CHD9: variants seen among roughly 807,000 people sequenced by gnomAD.
CHD9 encodes ATP-dependent chromatin remodeler CHD9.
Under a neutral mutation model 316.1 loss-of-function variants are expected in CHD9, and 77 were observed. That is an observed-to-expected ratio of 0.24 (90% CI 0.20 to 0.29). The LOEUF (loss-of-function observed/expected upper bound fraction) is 0.29, where lower values mean the gene tolerates loss of function less well. Among genes scored for constraint, CHD9 ranks in the 10% least tolerant of loss-of-function variants. The pLI, the probability that CHD9 is intolerant of heterozygous loss-of-function variation, is 1.00. For missense variants in CHD9, 2,763 were observed against 3,438.1 expected (o/e 0.80, Z 4.91); for synonymous variants, 1,129 against 1,158.3 (o/e 0.97, Z 0.51).
At chr16:53,068,613 A>G (rs1468216393) in intron 1 of CHD9, among the ~76,000 whole-genome samples, 3 of 151,846 alleles carry the variant, frequency 2.0e-5, no homozygotes, top group Non-Finnish European at 2.9e-5. Context: ...CACAGCACCC[A>G]CTCCACTGTA....
intron 1 of CHD9, among the ~76,000 whole-genome samples, chr16:53,059,876 G>A (rs2032647368): frequency 6.6e-6 from 1 of 152,200 alleles, no homozygotes; most frequent in Non-Finnish European, 1.5e-5. Context: ...GTCGTTTCTT[G>A]TAATGTTGAT....
chr16:53,302,786 A>G (rs1211143459), intron 30 of CHD9, among the ~76,000 whole-genome samples: 1 of 152,110 alleles, frequency 6.6e-6, no homozygotes, highest in East Asian at 1.9e-4. Context: ...AGATTGTTCC[A>G]TATTTGGCAT....
Position 53,108,633 on chromosome 16 carries a change from G to A in CHD9, c.-164-47293G>A, listed in dbSNP as rs989498999. Among the ~76,000 whole-genome samples the A allele has an allele frequency of 2.6e-5, 4 of 152,202 alleles. No individual in the cohort carries two copies. The East Asian group carries it at 7.7e-4, about 29-fold the overall frequency. ...CTCACTCCTGTAATCCCAGCTCTTT[G>A]GGAGACCAAGGCGGGCAGATCACCT... On this transcript the variant is annotated intron_variant, in intron 1 of 38. Coordinates refer to ENST00000447540, the MANE Select transcript of CHD9 (RefSeq NM_001308319.2).
At chr16:53,226,923 C>T (rs922222141) in intron 5 of CHD9, among the ~76,000 whole-genome samples, 1 of 152,190 alleles carries the variant, frequency 6.6e-6, no homozygotes, top group African/African-American at 2.4e-5. Context: ...GCTACTTCTC[C>T]ATAAGCACTT....
At chr16:53,201,830 G>C (rs1459461088) in intron 2 of CHD9, among the ~76,000 whole-genome samples, 1 of 151,472 alleles carries the variant, frequency 6.6e-6, no homozygotes, top group African/African-American at 2.4e-5. Flanking sequence ...AAAAATTTGG[G>C]GGGATCAGTT....
intron 19 of CHD9, among the ~76,000 whole-genome samples, chr16:53,256,991 T>C (rs1712405585): frequency 6.6e-6 from 1 of 152,134 alleles, no homozygotes. Flanking sequence ...ATGCCAGGAA[T>C]ACTAAAATGA....
At chr16:53,163,833 T>C (rs1315301070) in intron 2 of CHD9, among the ~76,000 whole-genome samples, 1 of 152,218 alleles carries the variant, frequency 6.6e-6, no homozygotes, top group Non-Finnish European at 1.5e-5. Flanking sequence ...AAAATTAGAA[T>C]AGGTAAGACA....
At chr16:53,295,979 C>T (rs2054747823) in intron 29 of CHD9, among the ~76,000 whole-genome samples, 1 of 152,200 alleles carries the variant, frequency 6.6e-6, no homozygotes, top group Admixed American at 6.5e-5. Flanking sequence ...CCCTATATGG[C>T]TTTGTCTCCA....
intron 22 of CHD9, among the ~76,000 whole-genome samples, chr16:53,273,069 A>G (rs1033386693): frequency 6.7e-6 from 1 of 150,284 alleles, no homozygotes; most frequent in Admixed American, 6.6e-5. Flanking sequence ...AGCCTGAGCA[A>G]CAGAGTGACT....
chr16:53,180,700 T>C (rs938024440), intron 2 of CHD9, among the ~76,000 whole-genome samples: 2 of 152,084 alleles, frequency 1.3e-5, no homozygotes, highest in Non-Finnish European at 2.9e-5. Flanking sequence ...TTTGATACAG[T>C]CTCGCTCTGT....
intron 1 of CHD9, among the ~76,000 whole-genome samples, chr16:53,127,368 C>G (rs2039016308): frequency 6.6e-6 from 1 of 152,172 alleles, no homozygotes; most frequent in South Asian, 2.1e-4. Flanking sequence ...TTTACATTGT[C>G]AGATATTCTT....
chr16:53,155,065 A>G (rs2041413517), intron 1 of CHD9, among the ~76,000 whole-genome samples: 2 of 152,080 alleles, frequency 1.3e-5, no homozygotes, highest in African/African-American at 4.8e-5. Context: ...ATAAGTTTCA[A>G]AGTTGTATTA....
At position 53,130,471 on chromosome 16, in the gene CHD9, G is replaced by T. The variant is rs1171243031; in HGVS notation, c.-164-25455G>T. ...GTGCCCTGCCGGGGCCTGACGTGGC[G>T]GCGGGGCCGCGGGGCGGGCGGCGCG... On this transcript the variant is annotated intron_variant, in intron 1 of 38. Transcript: ENST00000447540. Among the ~76,000 whole-genome samples the T allele has an allele frequency of 6.0e-5, 9 of 150,676 alleles. No individual in the cohort carries two copies. The East Asian group carries it at 1.8e-3, about 29-fold the overall frequency.
intron 1 of CHD9, among the ~76,000 whole-genome samples, chr16:53,141,621 A>G (rs1343889780): frequency 1.3e-5 from 2 of 152,348 alleles, no homozygotes; most frequent in Non-Finnish European, 2.9e-5. Flanking sequence ...GGCATTATTG[A>G]ATTCCTGAAA....
At chr16:53,185,478 A>G (rs1399875255) in intron 2 of CHD9, among the ~76,000 whole-genome samples, 3 of 152,190 alleles carry the variant, frequency 2.0e-5, no homozygotes, top group African/African-American at 4.8e-5. Flanking sequence ...CAGAGCATAA[A>G]ATTTTGGAAA....
intron 1 of CHD9, among the ~76,000 whole-genome samples, chr16:53,104,786 C>T (rs1025304574): frequency 6.2e-4 from 89 of 144,688 alleles, no homozygotes; most frequent in African/African-American, 2.1e-3. Flanking sequence ...CACTCCAGCC[C>T]GGGTGACAGA....
chr16:53,321,742 T>G, intron 38 of CHD9, 112 bp downstream of exon 38: 2 of 674,064 alleles, frequency 3.0e-6, no homozygotes, highest in South Asian at 8.7e-5. Flanking sequence ...GTGACAGCAT[T>G]TTTCAGTTTG....
chr16:53,114,420 G>C lies in CHD9; in HGVS notation c.-164-41506G>C, dbSNP rs148038509. On this transcript the variant is annotated intron_variant, in intron 1 of 38. Transcript: ENST00000447540. ...TTACAGGCCCATGCTACCACACCTG[G>C]CTAATTTTTGTATTTTTAGTAGAGA... is the stretch of plus-strand genomic sequence containing the variant. Among the ~76,000 whole-genome samples the C allele has an allele frequency of 3.8e-3, 570 of 151,408 alleles. 9 individuals carry two copies. The highest frequency in any genetic ancestry group is 0.012 in the African/African-American group (492 of 40,768).
rs1385131635 is a variant in CHD9, at chr16:53,146,436, T to TATATATATATATATATATATATAA, written c.-164-9489_-164-9488insTATATATATATATATATATATAAA. Among the ~76,000 whole-genome samples, 6 of 130,962 alleles carry TATATATATATATATATATATATAA rather than the reference T, an allele frequency of 4.6e-5. 1 individual carries two copies. The highest frequency in any genetic ancestry group is 2.1e-4 in the East Asian group (1 of 4,776). The allele number at this position is 130,962 out of a possible 152,430, so 85.9% of individuals were successfully genotyped here. A position where few individuals can be genotyped will look rare whatever the true frequency, so the allele number is the denominator to read the frequency against. ...GTGTGTATGTATATATATATATATA[T>TATATATATATATATATATATATAA]AATTAAAAAGTTCCAGAGATTGGTG... On this transcript the variant is annotated intron_variant, in intron 1 of 38. Transcript: ENST00000447540.
Sources: allele counts gnomAD v4.1 joint callset (sites outside exome capture counted in the v4.1 genomes callset), GRCh38; gene constraint gnomAD v4.1.1; transcripts MANE v1.5; gene names NCBI Gene and HGNC (gene_info 2026-07-23, HGNC 2026-07-21).